PPP3CC: variants seen among roughly 807,000 people sequenced by gnomAD.
The protein encoded by PPP3CC is serine/threonine-protein phosphatase 2B catalytic subunit gamma isoform.
A neutral mutation model predicts 60.3 loss-of-function variants in PPP3CC; 35 were observed. The observed-to-expected ratio is 0.58, with a 90% CI of 0.44 to 0.77. The LOEUF is 0.77. Among genes scored for constraint, PPP3CC ranks in the 30% least tolerant of loss-of-function variants. The pLI is 0.00. For missense variants in PPP3CC, 570 were observed against 628.9 expected (o/e 0.91, Z 1.00); for synonymous variants, 206 against 224.3 (o/e 0.92, Z 0.73).
At chr8:22,502,308 A>G (rs1838784694) in intron 4 of PPP3CC, among the ~76,000 whole-genome samples, 1 of 152,238 alleles carries the variant, frequency 6.6e-6, no homozygotes, top group Non-Finnish European at 1.5e-5. Flanking sequence ...CAACAACAAC[A>G]AAAAGGTAAT....
chr8:22,477,562 A>T (rs1023819226), intron 3 of PPP3CC, among the ~76,000 whole-genome samples: 3 of 152,142 alleles, frequency 2.0e-5, no homozygotes, highest in African/African-American at 7.2e-5. Context: ...TGCTAGCATG[A>T]GAAGGTTTCA....
chr8:22,504,806 C>G (rs1247022760), intron 4 of PPP3CC, among the ~76,000 whole-genome samples: 1 of 150,922 alleles, frequency 6.6e-6, no homozygotes, highest in Non-Finnish European at 1.5e-5. Flanking sequence ...CCTCAACCTC[C>G]CAGGCTCAAG....
At chr8:22,500,864 T>C (rs1358425457) in intron 4 of PPP3CC, among the ~76,000 whole-genome samples, 1 of 152,170 alleles carries the variant, frequency 6.6e-6, no homozygotes. Context: ...GATGTTTAAA[T>C]TGGTGTAAGT....
At chr8:22,507,111 CCT>C (rs1198656595) in intron 4 of PPP3CC, among the ~76,000 whole-genome samples, 3 of 151,560 alleles carry the variant, frequency 2.0e-5, no homozygotes, top group Non-Finnish European at 2.9e-5. Flanking sequence ...AGAATGAGAC[CCT>C]GTCTCAAACA....
intron 3 of PPP3CC, chr8:22,492,883 C>G (rs1023745893): frequency 1.8e-6 from 2 of 1,120,846 alleles, no homozygotes; most frequent in African/African-American, 1.5e-5. Flanking sequence ...ACAGGCCATG[C>G]TGAGACAAAG....
chr8:22,533,630 G>GC (rs1384477924), intron 12 of PPP3CC, among the ~76,000 whole-genome samples: 2 of 151,982 alleles, frequency 1.3e-5, no homozygotes, highest in Non-Finnish European at 2.9e-5. Context: ...TTCGAGACCA[G>GC]CCTGGCCAAC....
At chr8:22,539,345 A>G (rs1264095554) in intron 12 of PPP3CC, 124 bp from the exon 13 acceptor site, 7 of 868,722 alleles carry the variant, frequency 8.1e-6, no homozygotes, top group African/African-American at 1.7e-5. Flanking sequence ...GTTGACTTTC[A>G]TTATGGATGG....
intron 3 of PPP3CC, among the ~76,000 whole-genome samples, chr8:22,482,757 A>G (rs1384960611): frequency 6.6e-6 from 1 of 152,246 alleles, no homozygotes; most frequent in East Asian, 1.9e-4. Flanking sequence ...TGAAAAGAGT[A>G]CTTGAATTAA....
intron 1 of PPP3CC, among the ~76,000 whole-genome samples, chr8:22,473,711 A>G (rs937483898): frequency 2.0e-5 from 3 of 151,764 alleles, no homozygotes; most frequent in East Asian, 1.9e-4. Flanking sequence ...TGATCCACCT[A>G]CCTTGGCCTC....
chr8:22,489,670 A>AAGTATATATTATATAT lies in PPP3CC; in HGVS notation c.373-8329_373-8314dup, dbSNP rs1421812437. Among the ~76,000 whole-genome samples, 543 of 134,430 alleles carry AAGTATATATTATATAT rather than the reference A, an allele frequency of 4.0e-3. 2 individuals are homozygous for AAGTATATATTATATAT. Among genetic ancestry groups the AAGTATATATTATATAT allele is most frequent in the African/African-American group, 0.014 (510 of 36,644 alleles). 88.2% of individuals were successfully genotyped at this position (134,430 alleles called of 152,430 possible). A position where few individuals can be genotyped will look rare whatever the true frequency, so the allele number is the denominator to read the frequency against. On this transcript the variant is annotated intron_variant, in intron 3 of 13. Coordinates refer to ENST00000240139, the MANE Select transcript of PPP3CC (RefSeq NM_005605.5). The stretch of plus-strand genomic sequence containing the variant: ...TATACAATAAGTATATATTATATAT[A>AAGTATATATTATATAT]AGTATATATTATATATAAGTATATA...
intron 3 of PPP3CC, among the ~76,000 whole-genome samples, chr8:22,490,391 A>G (rs1183615124): frequency 2.0e-5 from 3 of 152,286 alleles, no homozygotes; most frequent in South Asian, 2.1e-4. Flanking sequence ...CCATACTTTG[A>G]GAACCACTGT....
chr8:22,481,888 TA>T (rs1268534946), intron 3 of PPP3CC, among the ~76,000 whole-genome samples: 1 of 152,224 alleles, frequency 6.6e-6, no homozygotes, highest in Non-Finnish European at 1.5e-5. Flanking sequence ...GGCTCCATAG[TA>T]TTCCATGGTG....
At chr8:22,540,402 A>T (rs1318361659) in intron 13 of PPP3CC, among the ~76,000 whole-genome samples, 1 of 152,166 alleles carries the variant, frequency 6.6e-6, no homozygotes, top group Non-Finnish European at 1.5e-5. Context: ...TTACTTTCAC[A>T]ATTTCAGCTG....
chr8:22,498,906 C>G (rs1352874795), intron 4 of PPP3CC, among the ~76,000 whole-genome samples: 1 of 145,616 alleles, frequency 6.9e-6, no homozygotes, highest in African/African-American at 2.5e-5. Flanking sequence ...AGGTGGAACA[C>G]AAGGTCAGGA....
rs143943286 is a variant in PPP3CC at position 22,450,232 on chromosome 8, A to C, written c.49+8774A>C. ...TATAAACCTATTCTGAAATCATAGA[A>C]AATCCAAATATTACCCAGACAGTTG... On this transcript the variant is annotated intron_variant, in intron 1 of 13. Coordinates refer to ENST00000240139, the MANE Select transcript of PPP3CC (RefSeq NM_005605.5). 3.2e-3 allele frequency among the ~76,000 whole-genome samples: 480 copies of C among 152,332 alleles called. 3 individuals carry two copies. The highest frequency in any genetic ancestry group is 0.011 in the African/African-American group (455 of 41,582).
chr8:22,490,572 A>G (rs1374773995), intron 3 of PPP3CC, among the ~76,000 whole-genome samples: 2 of 151,718 alleles, frequency 1.3e-5, no homozygotes, highest in African/African-American at 4.8e-5. Context: ...CATTTACATT[A>G]GGTATATCTC....
chr8:22,525,083 C>G (rs931582431), intron 8 of PPP3CC, among the ~76,000 whole-genome samples: 2 of 151,992 alleles, frequency 1.3e-5, no homozygotes, highest in Admixed American at 6.6e-5. Context: ...TCCAGTAGTT[C>G]GAGGCTGCAG....
intron 10 of PPP3CC, chr8:22,531,307 T>C (rs1430349644): frequency 6.5e-7 from 1 of 1,532,128 alleles, no homozygotes; most frequent in Admixed American, 2.0e-5. Flanking sequence ...TGAAGATCAC[T>C]ACATTCCAAG....
chr8:22,452,644 C>A (rs894452959), intron 1 of PPP3CC, among the ~76,000 whole-genome samples: 3 of 152,154 alleles, frequency 2.0e-5, no homozygotes, highest in African/African-American at 7.2e-5. Flanking sequence ...CAAGCATGTG[C>A]TACTATGCCC....
Sources: gnomAD v4.1 joint callset for allele counts (sites outside exome capture counted in the v4.1 genomes callset) on GRCh38, gnomAD v4.1.1 for gene constraint, MANE v1.5 for transcripts, NCBI Gene and HGNC (gene_info 2026-07-23, HGNC 2026-07-21) for gene names.